DLG2: variants seen among roughly 807,000 people sequenced by gnomAD.
The protein encoded by DLG2 is discs large MAGUK scaffold protein 2, also known as disks large homolog 2.
A neutral mutation model predicts 132.5 loss-of-function variants in DLG2; 45 were observed. That is an observed-to-expected ratio of 0.34 (90% CI 0.27 to 0.44). The LOEUF is 0.44. Among genes scored for constraint, DLG2 ranks in the 20% least tolerant of loss-of-function variants. DLG2 has a pLI of 1.00. For missense variants in DLG2, 1,045 were observed against 1,196.9 expected (o/e 0.87, Z 1.87); for synonymous variants, 424 against 419.6 (o/e 1.01, Z -0.13).
At chr11:84,719,575 A>C (rs563284015) in intron 6 of DLG2, among the ~76,000 whole-genome samples, 46 of 152,170 alleles carry the variant, frequency 3.0e-4, no homozygotes, top group Non-Finnish European at 6.2e-4. Flanking sequence ...ACAAGGAAGC[A>C]CCATTAATAT....
At chr11:85,248,882 G>T (rs1414247667) in intron 4 of DLG2, among the ~76,000 whole-genome samples, 2 of 151,990 alleles carry the variant, frequency 1.3e-5, no homozygotes, top group African/African-American at 4.8e-5. Flanking sequence ...ATTCAGACTT[G>T]GGAATCTTTT....
At chr11:85,455,355 A>G (rs2092387677) in intron 3 of DLG2, among the ~76,000 whole-genome samples, 1 of 152,132 alleles carries the variant, frequency 6.6e-6, no homozygotes, top group Admixed American at 6.6e-5. Context: ...AATGCTACAA[A>G]TTTCTGTACA....
At chr11:85,413,055 C>T (rs1429729075) in intron 3 of DLG2, among the ~76,000 whole-genome samples, 1 of 151,730 alleles carries the variant, frequency 6.6e-6, no homozygotes, top group African/African-American at 2.4e-5. Flanking sequence ...CCCTCTTCAC[C>T]GCATCCCTGC....
intron 18 of DLG2, among the ~76,000 whole-genome samples, chr11:83,731,178 G>T (rs1401129462): frequency 6.6e-6 from 1 of 152,128 alleles, no homozygotes; most frequent in Non-Finnish European, 1.5e-5. Context: ...GTGAAGGTTT[G>T]CTACATAGGT....
intron 10 of DLG2, among the ~76,000 whole-genome samples, chr11:84,089,057 A>G (rs954020974): frequency 6.6e-6 from 1 of 152,196 alleles, no homozygotes; most frequent in African/African-American, 2.4e-5. Context: ...GACAGGTTGG[A>G]TGTTGTGACT....
In DLG2 at chr11:84,213,574, C is replaced by T. The variant is rs930299445; in HGVS notation, c.573+37664G>A. Among the ~76,000 whole-genome samples the T allele has an allele frequency of 2.9e-4, 44 of 152,042 alleles. 2 individuals are homozygous for T. Among genetic ancestry groups the T allele is most frequent in the Non-Finnish European group, 8.8e-5 (6 of 67,996 alleles). ...GTGGCTCATGCCTGTAATCCCAGCA[C>T]TTTGGGAGGCCGAGGCGGGTGGATC... is the stretch of plus-strand genomic sequence containing the variant. On this transcript the variant is annotated intron_variant, in intron 8 of 27. Coordinates refer to ENST00000376104, the MANE Select transcript of DLG2 (RefSeq NM_001142699.3).
intron 19 of DLG2, among the ~76,000 whole-genome samples, chr11:83,546,902 T>G (rs1471092223): frequency 1.3e-5 from 2 of 152,146 alleles, no homozygotes; most frequent in African/African-American, 4.8e-5. Context: ...AATACAGATT[T>G]GGATAATTTA....
At chr11:84,509,056 T>C (rs2099250115) in intron 7 of DLG2, among the ~76,000 whole-genome samples, 1 of 152,354 alleles carries the variant, frequency 6.6e-6, no homozygotes, top group African/African-American at 2.4e-5. Context: ...GAAAGAAATG[T>C]AGCAGACACC....
At chr11:83,524,079 G>C (rs1231745128) in intron 21 of DLG2, among the ~76,000 whole-genome samples, 2 of 152,196 alleles carry the variant, frequency 1.3e-5, no homozygotes, top group Admixed American at 6.5e-5. Flanking sequence ...GAGAGTTTAA[G>C]AGGTATGTGC....
rs769146257 is a variant in DLG2 at position 84,721,492 on chromosome 11, ATTGT to A, written c.358-186765_358-186762del. Among the ~76,000 whole-genome samples, 137 of 150,416 alleles carry A rather than the reference ATTGT, an allele frequency of 9.1e-4. 1 individual carries two copies. In the East Asian group the frequency reaches 0.019, roughly 20 times the overall value. On this transcript the variant is annotated intron_variant, in intron 6 of 27. Transcript: ENST00000376104. ...GAATGACAAGACTGATGGATGTTTT[ATTGT>A]TTGTTTGTTTTTTTGTTTTTAACTG...
intron 18 of DLG2, among the ~76,000 whole-genome samples, chr11:83,691,477 G>C (rs780777199): frequency 1.3e-5 from 2 of 152,096 alleles, no homozygotes; most frequent in African/African-American, 4.8e-5. Flanking sequence ...TGGCCCCTGC[G>C]TATGAGGCTC....
At chr11:84,359,207 A>G (rs900315793) in intron 7 of DLG2, among the ~76,000 whole-genome samples, 3 of 151,922 alleles carry the variant, frequency 2.0e-5, no homozygotes, top group African/African-American at 7.2e-5. Context: ...TCCAAGTTGG[A>G]TTGAGGAACA....
At chr11:85,054,315 A>G (rs2063232613) in intron 6 of DLG2, among the ~76,000 whole-genome samples, 3 of 152,082 alleles carry the variant, frequency 2.0e-5, no homozygotes, top group Admixed American at 2.0e-4. Flanking sequence ...CAAAATCACA[A>G]TGAAATACTA....
At chr11:85,068,466 A>T (rs2065272123) in intron 6 of DLG2, among the ~76,000 whole-genome samples, 1 of 152,150 alleles carries the variant, frequency 6.6e-6, no homozygotes, top group Non-Finnish European at 1.5e-5. Flanking sequence ...CAGGATACAA[A>T]ATCAATGTGC....
At chr11:84,513,773 G>GGC in intron 7 of DLG2, among the ~76,000 whole-genome samples, 1 of 149,390 alleles carries the variant, frequency 6.7e-6, no homozygotes, top group South Asian at 2.1e-4. Flanking sequence ...ATTGGTCCAG[G>GGC]CCCCCCAAAA....
chr11:84,292,448 G>A (rs2098016249), intron 7 of DLG2, among the ~76,000 whole-genome samples: 2 of 152,160 alleles, frequency 1.3e-5, no homozygotes, highest in Admixed American at 1.3e-4. Context: ...CCTTTTCACT[G>A]TAAGATGAGG....
chr11:83,719,307 A>G (rs1309209511), intron 18 of DLG2, among the ~76,000 whole-genome samples: 1 of 152,204 alleles, frequency 6.6e-6, no homozygotes, highest in East Asian at 1.9e-4. Context: ...CCCTGCCACT[A>G]TGTGACTTGA....
At chr11:83,822,967 C>T (rs1261784640) in intron 17 of DLG2, among the ~76,000 whole-genome samples, 1 of 152,090 alleles carries the variant, frequency 6.6e-6, no homozygotes, top group Non-Finnish European at 1.5e-5. Context: ...AACTGTTGAA[C>T]CCTTCAGTTT....
intron 14 of DLG2, among the ~76,000 whole-genome samples, chr11:83,937,327 G>A (rs556857918): frequency 6.6e-5 from 10 of 151,804 alleles, no homozygotes; most frequent in Non-Finnish European, 1.5e-4. Flanking sequence ...CTACCACGGT[G>A]AAACCCAGTC....
Sources: gnomAD v4.1 joint callset for allele counts (sites outside exome capture counted in the v4.1 genomes callset) on GRCh38, gnomAD v4.1.1 for gene constraint, MANE v1.5 for transcripts, NCBI Gene and HGNC (gene_info 2026-07-23, HGNC 2026-07-21) for gene names.